ARHGAP29: variants seen among roughly 807,000 people sequenced by gnomAD.
ARHGAP29 encodes rho GTPase-activating protein 29.
ARHGAP29 carries 43 observed loss-of-function variants against 122.6 expected under a neutral mutation model. The ratio of observed to expected loss-of-function variants is 0.35; its 90% CI spans 0.27 to 0.45. ARHGAP29 has a LOEUF of 0.45. ARHGAP29 is among the 20% of genes least tolerant of loss of function. The pLI is 1.00. For missense variants in ARHGAP29, 1,303 were observed against 1,477.2 expected (o/e 0.88, Z 1.93); for synonymous variants, 506 against 497.1 (o/e 1.02, Z -0.24).
chr1:94,260,188 G>A (rs1229446233), intron 1 of ARHGAP29, among the ~76,000 whole-genome samples: 4 of 152,172 alleles, frequency 2.6e-5, no homozygotes, highest in Non-Finnish European at 5.9e-5. Context: ...GCATTATATG[G>A]TAGCCTTTTC....
chr1:94,232,750 G>A (rs1037335272), intron 1 of ARHGAP29, among the ~76,000 whole-genome samples: 2 of 152,048 alleles, frequency 1.3e-5, no homozygotes, highest in Non-Finnish European at 2.9e-5. Context: ...CCTTTCCAGA[G>A]TTAAAAGTTC....
At chr1:94,233,356 C>A (rs1396625681) in intron 1 of ARHGAP29, among the ~76,000 whole-genome samples, 1 of 152,050 alleles carries the variant, frequency 6.6e-6, no homozygotes, top group Non-Finnish European at 1.5e-5. Context: ...GTTCATTTTT[C>A]TTTCTGATCT....
intron 12 of ARHGAP29, chr1:94,192,793 T>A (rs1287141714): frequency 6.6e-6 from 1 of 151,878 alleles, no homozygotes; most frequent in Non-Finnish European, 1.5e-5. Flanking sequence ...TGAACCTAAC[T>A]GTATCAAATG....
the ARHGAP29 span, among the ~76,000 whole-genome samples, chr1:94,288,921 G>A: frequency 6.6e-6 from 1 of 152,118 alleles, no homozygotes; most frequent in Non-Finnish European, 1.5e-5. Flanking sequence ...AAGTCAGGTA[G>A]CGTGATGCCT....
chr1:94,204,600 G>A (rs1482444084), intron 7 of ARHGAP29, among the ~76,000 whole-genome samples: 10 of 151,744 alleles, frequency 6.6e-5, no homozygotes, highest in Non-Finnish European at 1.5e-4. Context: ...TGTAATATAG[G>A]AAAAACAATT....
chr1:94,207,386 T>C (rs535013120), intron 5 of ARHGAP29, among the ~76,000 whole-genome samples: 2 of 152,206 alleles, frequency 1.3e-5, no homozygotes, highest in African/African-American at 4.8e-5. Flanking sequence ...AGCTTTTTTA[T>C]TCCAATCTCT....
the ARHGAP29 span, among the ~76,000 whole-genome samples, chr1:94,289,698 T>G: frequency 2.2e-4 from 33 of 152,248 alleles, no homozygotes; most frequent in African/African-American, 7.7e-4. Flanking sequence ...GTTTTCAGCA[T>G]GAAAGGCTGT....
chr1:94,292,792 G>A, the ARHGAP29 span, among the ~76,000 whole-genome samples: 3 of 152,222 alleles, frequency 2.0e-5, no homozygotes, highest in Non-Finnish European at 4.4e-5. Flanking sequence ...AGAGGCTGCA[G>A]AGCAGCAAAT....
At chr1:94,283,702 T>C in the ARHGAP29 span, among the ~76,000 whole-genome samples, 1 of 152,206 alleles carries the variant, frequency 6.6e-6, no homozygotes, top group Non-Finnish European at 1.5e-5. Flanking sequence ...TGTTAAGTCA[T>C]ACCATCATGC....
chr1:94,182,811 T>TAAAACAAAAC (rs55980639), intron 19 of ARHGAP29, among the ~76,000 whole-genome samples: 10,273 of 148,836 alleles, frequency 0.069, 393 homozygotes, highest in African/African-American at 0.11. Flanking sequence ...AACAGGAGAA[T>TAAAACAAAAC]AAAACAAAAC....
In ARHGAP29 at chr1:94,269,093, T is replaced by C. The variant is rs527404345; in HGVS notation, c.-33+5919A>G. 2.0e-5 allele frequency among the ~76,000 whole-genome samples: 3 copies of C among 152,348 alleles called. No individual in the cohort carries two copies. In the East Asian group the frequency reaches 5.8e-4, roughly 29 times the overall value. ...GAATGTTTATTTCTAAAGAAATAGC[T>C]ATTTCATCACATATCCCACAGAGTA... On this transcript the variant is annotated intron_variant and NMD_transcript_variant, in intron 1 of 25. Coordinates refer to the ARHGAP29 transcript ENST00000552844.
chr1:94,195,576 G>A (rs1021070306), intron 12 of ARHGAP29: 5 of 151,928 alleles, frequency 3.3e-5, no homozygotes, highest in African/African-American at 1.2e-4. Flanking sequence ...AAAGACGGCA[G>A]CAAAAGGGAA....
At chr1:94,245,464 G>GCA (rs1470435940) in intron 1 of ARHGAP29, among the ~76,000 whole-genome samples, 2 of 151,962 alleles carry the variant, frequency 1.3e-5, no homozygotes, top group African/African-American at 2.4e-5. Flanking sequence ...AAGAAGCCAG[G>GCA]CACACACACA....
At chr1:94,308,158 C>A in the ARHGAP29 span, among the ~76,000 whole-genome samples, 7 of 152,170 alleles carry the variant, frequency 4.6e-5, no homozygotes, top group Admixed American at 6.5e-5. Context: ...AGACTTTAAT[C>A]ATCAATACTT....
chr1:94,279,752 C>G (rs1655291744), upstream of ARHGAP29, among the ~76,000 whole-genome samples: 1 of 152,214 alleles, frequency 6.6e-6, no homozygotes, highest in African/African-American at 2.4e-5. Flanking sequence ...ATTCCCACTC[C>G]AGTGCCCTGA....
chr1:94,174,482 C>T lies in ARHGAP29; in HGVS notation c.3173G>A (p.Arg1058Lys), dbSNP rs1392998839. 2 of 1,614,214 alleles carry T rather than the reference C, an allele frequency of 1.2e-6. No individual in the cohort carries two copies. The highest frequency in any genetic ancestry group is 2.2e-5 in the East Asian group (1 of 44,882). The change falls in exon 23 of 23, where the codon AGA becomes AAA. Residue 1058 changes from arginine to lysine, a missense_variant. By Grantham distance (26) the Arg-to-Lys change is conservative (BLOSUM62 2). Transcript: ENST00000260526. ...ACAAACAGTAGTAGCAGCGTCTTTT[C>T]TATTAACTCCTTCAAAGGCAGGATT... ...CKNPAFEGVN[R>K]KDAATTVCSK...
chr1:94,242,991 A>G (rs1346356431), intron 1 of ARHGAP29, among the ~76,000 whole-genome samples: 1 of 152,164 alleles, frequency 6.6e-6, no homozygotes, highest in Non-Finnish European at 1.5e-5. Context: ...TCATTTCATC[A>G]TAATGACAAC....
intron 1 of ARHGAP29, among the ~76,000 whole-genome samples, chr1:94,270,379 G>C (rs1315776239): frequency 6.6e-6 from 1 of 152,218 alleles, no homozygotes. Context: ...AATAGCTCTT[G>C]ATGTGTGTAA....
intron 3 of ARHGAP29, among the ~76,000 whole-genome samples, chr1:94,215,102 A>G (rs1422914764): frequency 1.4e-5 from 2 of 143,314 alleles, no homozygotes; most frequent in East Asian, 4.0e-4. Context: ...AAGCATGAAA[A>G]GGAAAAAAAA....
Sources: allele counts gnomAD v4.1 joint callset (sites outside exome capture counted in the v4.1 genomes callset), GRCh38; gene constraint gnomAD v4.1.1; transcripts MANE v1.5; gene names NCBI Gene and HGNC (gene_info 2026-07-23, HGNC 2026-07-21).